The following SANBR variants were observed in gnomAD, a reference collection of about 807,000 sequenced individuals.
SANBR encodes SANT and BTB domain regulator of CSR.
SANBR carries 77 observed loss-of-function variants against 101.8 expected under a neutral mutation model. The ratio of observed to expected loss-of-function variants is 0.76; its 90% CI spans 0.63 to 0.91. SANBR has a LOEUF of 0.91. Among genes scored for constraint, SANBR ranks in the 40% least tolerant of loss-of-function variants. The probability of loss-of-function intolerance (pLI) is 0.00; values close to 1 mark genes in which losing one functional copy is unlikely to be tolerated. For synonymous variants in SANBR, 279 were observed against 274.7 expected (o/e 1.02, Z -0.15); for missense variants, 875 against 853.0 (o/e 1.03, Z -0.32).
intron 13 of SANBR, 94 bp from the exon 14 acceptor site, chr2:61,106,469 A>C: frequency 1.2e-6 from 1 of 811,714 alleles, no homozygotes; most frequent in Admixed American, 2.6e-5. Context: ...ATTTCTAAAA[A>C]GCGATTTTTG....
In SANBR at chr2:61,097,870, C is replaced by A; in HGVS notation, c.1365+18C>A. On this transcript the variant is annotated intron_variant, in intron 12 of 21. Transcript: ENST00000402291. ...TTACAAAGGTGAATTTTGAATATTG[C>A]CCTTAGTAGCTACAGTTTTTAAAGT... is the stretch of plus-strand genomic sequence containing the variant. 6.3e-7 allele frequency: 1 copy of A among 1,596,576 alleles called. No individual in the cohort carries two copies. Among genetic ancestry groups the A allele is most frequent in the Non-Finnish European group, 8.6e-7 (1 of 1,168,586 alleles).
chr2:61,103,824 C>T (rs1683408264), intron 12 of SANBR, 29 bp from the exon 13 acceptor site: 1 of 1,606,658 alleles, frequency 6.2e-7, no homozygotes. Context: ...AACAAACTAA[C>T]CTCTAATTTA....
At chr2:61,118,199 CT>C in intron 20 of SANBR, 83 bp downstream of exon 20, 2 of 877,366 alleles carry the variant, frequency 2.3e-6, no homozygotes, top group Non-Finnish European at 3.5e-6. Context: ...ATAAAGATGT[CT>C]TAGGCAGAAT....
In SANBR at chr2:61,077,008, A is replaced by C. The variant is rs1681822513; in HGVS notation, c.520A>C (p.Lys174Gln). The change falls in exon 6 of 22, where the codon AAG (lysine) becomes CAG (glutamine). Residue 174 changes from lysine (K) to glutamine (Q), a missense_variant. Transcript: ENST00000402291. ...CPRDLLISEMKYFAEYLSMDA... is the reference protein window; with the variant it reads ...CPRDLLISEMQYFAEYLSMDA... ...GCGAGATCTTTTGATATCAGAAATGAAGTACTTTGCTGAATATTTATCTAT... is the reference window on the plus strand; with the variant it reads ...GCGAGATCTTTTGATATCAGAAATGCAGTACTTTGCTGAATATTTATCTAT... 1 of 1,614,112 alleles carries C rather than the reference A, an allele frequency of 6.2e-7. No individual in the cohort carries two copies. Among genetic ancestry groups the C allele is most frequent in the African/African-American group, 1.3e-5 (1 of 75,050 alleles).
intron 20 of SANBR, chr2:61,134,130 T>C (rs1329922080): frequency 6.2e-7 from 1 of 1,614,124 alleles, no homozygotes; most frequent in Admixed American, 1.7e-5. Context: ...TATCTGCTTT[T>C]TTACAGACAG....
intron 5 of SANBR, among the ~76,000 whole-genome samples, chr2:61,076,211 T>C (rs1366265636): frequency 4.7e-5 from 7 of 150,416 alleles, no homozygotes; most frequent in Non-Finnish European, 1.0e-4. Flanking sequence ...GCCAAGATGG[T>C]CTCAATCTCC....
At chr2:61,097,602 A>C (rs990112234) in intron 11 of SANBR, 98 bp from the exon 12 acceptor site, 13 of 942,622 alleles carry the variant, frequency 1.4e-5, no homozygotes. Context: ...TGCATATTTC[A>C]TATAAAAATG....
rs567315276 is a variant in SANBR, at chr2:61,098,260, C to T, written c.1365+408C>T. Among the ~76,000 whole-genome samples, 187 of 151,970 alleles carry T rather than the reference C, an allele frequency of 1.2e-3. 1 individual carries two copies. Among genetic ancestry groups the T allele is most frequent in the African/African-American group, 4.2e-3 (175 of 41,472 alleles). On this transcript the variant is annotated intron_variant, in intron 12 of 21. Transcript: ENST00000402291. ...CTGGGACTACAGGCACACGCCATCACACCCGGTAATTTTTTGTATTTTTGT... is the reference window on the plus strand; with the variant it reads ...CTGGGACTACAGGCACACGCCATCATACCCGGTAATTTTTTGTATTTTTGT...
chr2:61,115,455 C>T (rs79130815), intron 16 of SANBR, among the ~76,000 whole-genome samples: 1 of 151,736 alleles, frequency 6.6e-6, no homozygotes, highest in African/African-American at 2.4e-5. Context: ...GCCTCAGTCT[C>T]CCGAATAGCT....
downstream of SANBR, among the ~76,000 whole-genome samples, chr2:61,128,252 A>C (rs1334719215): frequency 6.7e-6 from 1 of 150,306 alleles, no homozygotes; most frequent in African/African-American, 2.5e-5. Context: ...AGCCTGGGTG[A>C]CACAGCGAGA....
Position 61,080,727 on chromosome 2 carries a change from AAAC to A in SANBR, c.671-716_671-714del, listed in dbSNP as rs1333251501. ...AGAGTGAGACTCCATCTCAAAAAAAAAACAACAACAAAAAAAAACAAAAAACCT... is the reference window on the plus strand; with the variant it reads ...AGAGTGAGACTCCATCTCAAAAAAAAAACAACAAAAAAAAACAAAAAACCT... On this transcript the variant is annotated intron_variant, in intron 6 of 21. Transcript: ENST00000402291. 6.7e-4 allele frequency among the ~76,000 whole-genome samples: 102 copies of A among 152,264 alleles called. 2 individuals are homozygous for A. Among genetic ancestry groups the A allele is most frequent in the African/African-American group, 1.9e-3 (81 of 41,562 alleles).
chr2:61,123,739 A>AG lies in SANBR; in HGVS notation c.*1579dup. ...AAAGGCAAACTGCTTCTCCCCTGGGAGGCCTATACCACTGAATTAATTTTT... is the reference window on the plus strand; with the variant it reads ...AAAGGCAAACTGCTTCTCCCCTGGGAGGGCCTATACCACTGAATTAATTTTT... On this transcript the variant is annotated 3_prime_UTR_variant, in exon 22 of 22. Transcript: ENST00000402291. The AG allele has an allele frequency of 3.0e-6, 3 of 985,528 alleles. No homozygotes were observed. The highest frequency in any genetic ancestry group is 3.6e-6 in the Non-Finnish European group (3 of 829,872). The allele number at this position is 985,528 out of a possible 1,614,324, so 61.0% of individuals were successfully genotyped here.
chr2:61,121,624 C>T (rs1010791042), intron 21 of SANBR: 3 of 176,466 alleles, frequency 1.7e-5, no homozygotes, highest in Admixed American at 1.2e-4. Flanking sequence ...GTAATCTTTA[C>T]CACTCCTTGC....
chr2:61,117,691 T>A (rs1684141896), intron 19 of SANBR, 151 bp downstream of exon 19: 1 of 675,666 alleles, frequency 1.5e-6, no homozygotes, highest in Non-Finnish European at 2.5e-6. Flanking sequence ...ACAACCAGAG[T>A]TTCATTACTA....
At position 61,123,792 on chromosome 2, in the gene SANBR, T is replaced by C; in HGVS notation, c.*1630T>C. 21 of 985,548 alleles carry C rather than the reference T, an allele frequency of 2.1e-5. No homozygotes were observed. Among genetic ancestry groups the C allele is most frequent in the Non-Finnish European group, 2.5e-5 (21 of 829,894 alleles). 61.1% of individuals were successfully genotyped at this position (985,548 alleles called of 1,614,324 possible). A position where few individuals can be genotyped will look rare whatever the true frequency, so the allele number is the denominator to read the frequency against. ...AAACCAGAGTTTATCAGAATTTGAT[T>C]CTCTTCAGAATGCTTTTGGCCAGGT... On this transcript the variant is annotated 3_prime_UTR_variant, in exon 22 of 22. Coordinates refer to ENST00000402291, the MANE Select transcript of SANBR (RefSeq NM_001129993.3).
chr2:61,066,567 C>T (rs1162563307), intron 1 of SANBR: 1 of 152,546 alleles, frequency 6.6e-6, no homozygotes, highest in Non-Finnish European at 1.5e-5. Context: ...GGGTACAAGG[C>T]TTCTTCCCGG....
chr2:61,081,635 T>A (rs1384746753), intron 7 of SANBR, 125 bp downstream of exon 7: 1 of 1,083,752 alleles, frequency 9.2e-7, no homozygotes, highest in Non-Finnish European at 1.3e-6. Context: ...ATTTAAAAAA[T>A]TGTTAATTCA....
intron 5 of SANBR, 42 bp downstream of exon 5, chr2:61,073,593 A>T: frequency 2.7e-6 from 3 of 1,092,348 alleles, no homozygotes; most frequent in Non-Finnish European, 4.1e-6. Context: ...AAATATTAAT[A>T]TCAACTTCAT....
chr2:61,095,355 G>A (rs945474193), intron 11 of SANBR, among the ~76,000 whole-genome samples: 2 of 152,072 alleles, frequency 1.3e-5, no homozygotes, highest in Non-Finnish European at 2.9e-5. Context: ...ATAAGAGAAC[G>A]TGCACCTTAT....
Sources: gnomAD v4.1 joint callset for allele counts (sites outside exome capture counted in the v4.1 genomes callset) on GRCh38, gnomAD v4.1.1 for gene constraint, MANE v1.5 for transcripts, NCBI Gene and HGNC (gene_info 2026-07-23, HGNC 2026-07-21) for gene names.